Variants in PLOD2 observed in about 807,000 individuals in gnomAD.
The protein encoded by PLOD2 is procollagen-lysine,2-oxoglutarate 5-dioxygenase 2, also known as lysine hydroxylase 2.
Under a neutral mutation model 101.0 loss-of-function variants are expected in PLOD2, and 65 were observed. The observed-to-expected ratio is 0.64, with a 90% confidence interval of 0.53 to 0.79. The LOEUF is 0.79. PLOD2 is among the 30% of genes least tolerant of loss of function. PLOD2 has a pLI of 0.00. For missense variants in PLOD2, 909 were observed against 914.6 expected (o/e 0.99, Z 0.08); for synonymous variants, 314 against 302.9 (o/e 1.04, Z -0.38).
chr3:146,111,943 C>A (rs938288747), intron 3 of PLOD2, among the ~76,000 whole-genome samples: 1 of 151,964 alleles, frequency 6.6e-6, no homozygotes, highest in African/African-American at 2.4e-5. Flanking sequence ...TCTGAAAGAG[C>A]GACTACCATG....
At chr3:146,073,220 T>C in intron 16 of PLOD2, 67 bp downstream of exon 16, 1 of 643,786 alleles carries the variant, frequency 1.6e-6, no homozygotes, top group Non-Finnish European at 2.8e-6. Flanking sequence ...GTGAAAGTAG[T>C]ATTAATAATA....
chr3:146,121,347 G>A (rs749895139), intron 2 of PLOD2, 99 bp from the exon 3 acceptor site: 45 of 924,100 alleles, frequency 4.9e-5, no homozygotes, highest in Middle Eastern at 2.1e-4. Context: ...GTACTGTACC[G>A]TAACCACTCT....
At chr3:146,129,534 G>C (rs2030779341) in intron 1 of PLOD2, among the ~76,000 whole-genome samples, 1 of 152,088 alleles carries the variant, frequency 6.6e-6, no homozygotes, top group African/African-American at 2.4e-5. Flanking sequence ...TAATATGTCT[G>C]TAATAGCATC....
intron 1 of PLOD2, among the ~76,000 whole-genome samples, chr3:146,150,596 C>G (rs1364234761): frequency 3.3e-5 from 5 of 152,098 alleles, no homozygotes; most frequent in Admixed American, 1.3e-4. Flanking sequence ...TGAGAGGAGA[C>G]AGAGGAGCAA....
chr3:146,070,998 T>C (rs1467626649), intron 19 of PLOD2, 44 bp downstream of exon 19: 2 of 1,556,800 alleles, frequency 1.3e-6, no homozygotes, highest in Non-Finnish European at 1.8e-6. Context: ...TTCATAATGA[T>C]ATATTTCTTT....
rs1936783553 is a variant in PLOD2 at position 146,086,703 on chromosome 3, A to G, written c.1127+84T>C. 6.8e-6 allele frequency: 7 copies of G among 1,022,878 alleles called. 1 individual carries two copies. The South Asian group carries it at 1.3e-4, about 18-fold the overall frequency. The allele number at this position is 1,022,878 out of a possible 1,614,324, so 63.4% of individuals were successfully genotyped here. A position where few individuals can be genotyped will look rare whatever the true frequency, so the allele number is the denominator to read the frequency against. On this transcript the variant is annotated intron_variant, in intron 10 of 19. Coordinates refer to ENST00000282903, the MANE Select transcript of PLOD2 (RefSeq NM_182943.3). ...AGTTTGAGACACCCAAATTTGGCATAACAATTTTAATTTAAAAGTTTATTT... is the reference window on the plus strand; with the variant it reads ...AGTTTGAGACACCCAAATTTGGCATGACAATTTTAATTTAAAAGTTTATTT...
At chr3:146,129,189 G>A (rs1006786113) in intron 1 of PLOD2, among the ~76,000 whole-genome samples, 2 of 152,024 alleles carry the variant, frequency 1.3e-5, no homozygotes, top group African/African-American at 2.4e-5. Context: ...AAATGTTTTC[G>A]TAGTAAAAGC....
intron 3 of PLOD2, among the ~76,000 whole-genome samples, chr3:146,113,280 G>C (rs1265639819): frequency 6.6e-6 from 1 of 152,138 alleles, no homozygotes; most frequent in Non-Finnish European, 1.5e-5. Context: ...TCTCATTCGA[G>C]TAGCACTGCT....
At chr3:146,096,239 A>G (rs1211380588) in intron 7 of PLOD2, among the ~76,000 whole-genome samples, 1 of 115,556 alleles carries the variant, frequency 8.7e-6, no homozygotes, top group Non-Finnish European at 1.8e-5. Context: ...GCTCGCTACA[A>G]CCACCTCCCA....
intron 7 of PLOD2, among the ~76,000 whole-genome samples, chr3:146,098,354 A>G (rs1323191644): frequency 6.6e-6 from 1 of 152,238 alleles, no homozygotes; most frequent in Admixed American, 6.5e-5. Flanking sequence ...CCTTCAAATT[A>G]GAAACCAGTT....
At chr3:146,140,907 T>C (rs1170155382) in intron 1 of PLOD2, among the ~76,000 whole-genome samples, 1 of 152,048 alleles carries the variant, frequency 6.6e-6, no homozygotes, top group Admixed American at 6.6e-5. Context: ...GACAGAATGT[T>C]TTCCACATGC....
intron 17 of PLOD2, 59 bp downstream of exon 17, chr3:146,072,502 C>G: frequency 9.6e-7 from 1 of 1,037,480 alleles, no homozygotes; most frequent in East Asian, 2.4e-5. Flanking sequence ...TCCGAATTCT[C>G]TGAGTATCTA....
intron 2 of PLOD2, among the ~76,000 whole-genome samples, chr3:146,122,251 C>A (rs1229549053): frequency 6.6e-6 from 1 of 152,188 alleles, no homozygotes; most frequent in African/African-American, 2.4e-5. Context: ...CAAGAAAACT[C>A]AAGCTGTTTT....
chr3:146,127,687 T>C lies in PLOD2; in HGVS notation c.110-3458A>G, dbSNP rs13327204. The stretch of plus-strand genomic sequence containing the variant: ...AATGACTTCTTTCCCTTTGAGTAGA[T>C]ACCCAGTACTGCGATGGCTGAAGAG... On this transcript the variant is annotated intron_variant, in intron 1 of 19. Coordinates refer to ENST00000282903, the MANE Select transcript of PLOD2 (RefSeq NM_182943.3). 8.9e-3 allele frequency among the ~76,000 whole-genome samples: 1,349 copies of C among 152,240 alleles called. 8 individuals are homozygous for C. The highest frequency in any genetic ancestry group is 0.013 in the Non-Finnish European group (904 of 68,024).
chr3:146,102,915 G>A (rs961878557), intron 6 of PLOD2, 63 bp from the exon 7 acceptor site: 27 of 819,718 alleles, frequency 3.3e-5, no homozygotes, highest in Non-Finnish European at 4.9e-5. Flanking sequence ...GTCTGTATTC[G>A]TGTGTCTGTG....
intron 3 of PLOD2, among the ~76,000 whole-genome samples, chr3:146,120,688 C>A (rs1184484737): frequency 6.6e-6 from 1 of 152,160 alleles, no homozygotes; most frequent in Non-Finnish European, 1.5e-5. Flanking sequence ...GGGCAACCTA[C>A]AGAATAGTAA....
Position 146,079,274 on chromosome 3 carries a change from G to C in PLOD2, c.1359-17C>G, listed in dbSNP as rs367596665. ...CATACTCCTCTGAAAGTAAAGAGAA[G>C]ACATTCTTATATACCACAAATACAA... On this transcript the variant is annotated splice_polypyrimidine_tract_variant and intron_variant, in intron 12 of 19. Transcript: ENST00000282903. The C allele has an allele frequency of 1.9e-6, 3 of 1,587,976 alleles. No individual in the cohort carries two copies. The highest frequency in any genetic ancestry group is 2.6e-6 in the Non-Finnish European group (3 of 1,157,740).
At chr3:146,082,982 C>CT (rs1439871301) in intron 11 of PLOD2, among the ~76,000 whole-genome samples, 1 of 152,084 alleles carries the variant, frequency 6.6e-6, no homozygotes, top group Admixed American at 6.6e-5. Context: ...AACTATTAAT[C>CT]AGAAACACAT....
chr3:146,071,462 C>A (rs368129631), intron 17 of PLOD2, 39 bp from the exon 18 acceptor site: 2 of 1,574,804 alleles, frequency 1.3e-6, no homozygotes. Context: ...CTGTACTCCA[C>A]GTGCAATTCC....
Sources: allele counts gnomAD v4.1 joint callset (sites outside exome capture counted in the v4.1 genomes callset), GRCh38; gene constraint gnomAD v4.1.1; transcripts MANE v1.5; gene names NCBI Gene and HGNC (gene_info 2026-07-23, HGNC 2026-07-21).